The following HSD17B12 variants were observed in gnomAD, a reference collection of about 807,000 sequenced individuals.
HSD17B12 encodes the protein very-long-chain 3-oxoacyl-CoA reductase.
In HSD17B12, 32 loss-of-function variants were observed where a neutral mutation model predicts 39.3. The observed-to-expected ratio is 0.81, with a 90% confidence interval of 0.61 to 1.09. The LOEUF (loss-of-function observed/expected upper bound fraction) is 1.09. HSD17B12 is among the 50% of genes least tolerant of loss of function. The pLI, the probability that HSD17B12 is intolerant of heterozygous loss-of-function variation, is 0.00. For missense variants in HSD17B12, 342 were observed against 382.9 expected (o/e 0.89, Z 0.89); for synonymous variants, 150 against 146.7 (o/e 1.02, Z -0.16).
At chr11:43,558,756 G>C in the HSD17B12 span, among the ~76,000 whole-genome samples, 2 of 152,016 alleles carry the variant, frequency 1.3e-5, no homozygotes, top group South Asian at 4.2e-4. Context: ...CGCTGGGGGT[G>C]CGGGGGCGGA....
At chr11:43,627,972 AG>A in the HSD17B12 span, among the ~76,000 whole-genome samples, 1 of 151,920 alleles carries the variant, frequency 6.6e-6, no homozygotes, top group Non-Finnish European at 1.5e-5. Context: ...TTTAATTGCT[AG>A]GGAAGTTGGA....
chr11:43,626,155 T>C, the HSD17B12 span, among the ~76,000 whole-genome samples: 1 of 151,660 alleles, frequency 6.6e-6, no homozygotes, highest in South Asian at 2.1e-4. Context: ...TATCTGCTTG[T>C]AAGACAATTG....
intron 4 of HSD17B12, among the ~76,000 whole-genome samples, chr11:43,808,660 G>C (rs565010065): frequency 6.6e-6 from 1 of 152,258 alleles, no homozygotes; most frequent in Non-Finnish European, 1.5e-5. Context: ...TTGTAATGAA[G>C]ATCACATAGC....
At chr11:43,630,805 CTT>C in the HSD17B12 span, among the ~76,000 whole-genome samples, 69 of 137,918 alleles carry the variant, frequency 5.0e-4, no homozygotes, top group Non-Finnish European at 6.3e-4. Flanking sequence ...TTTTTTCTTT[CTT>C]TTTTTTTTTT....
intron 9 of HSD17B12, among the ~76,000 whole-genome samples, chr11:43,846,374 G>A (rs181746202): frequency 4.6e-5 from 7 of 152,290 alleles, no homozygotes; most frequent in Admixed American, 3.9e-4. Flanking sequence ...GGATCAACAG[G>A]AGCCCTGTGC....
At chr11:43,598,166 G>T in the HSD17B12 span, among the ~76,000 whole-genome samples, 1 of 152,122 alleles carries the variant, frequency 6.6e-6, no homozygotes, top group Admixed American at 6.5e-5. Context: ...ATGGCCTCCA[G>T]ACACCCAGAG....
rs1418984622 is a variant in HSD17B12 at position 43,817,006 on chromosome 11, A to G, written c.501+615A>G. Among the ~76,000 whole-genome samples the G allele has an allele frequency of 1.4e-3, 31 of 22,944 alleles. No individual in the cohort carries two copies. In the South Asian group the frequency reaches 0.038, roughly 28 times the overall value. The allele number at this position is 22,944 out of a possible 152,430, so 15.1% of individuals were successfully genotyped here. ...TATATCTATATCTATATCTATATCT[A>G]TATCTATATCTATATCTATATCTAT... On this transcript the variant is annotated intron_variant, in intron 6 of 10. Transcript: ENST00000278353.
chr11:43,734,126 CA>C, intron 1 of HSD17B12: 1 of 1,382,848 alleles, frequency 7.2e-7, no homozygotes. Context: ...CCATCACTAC[CA>C]AATCAAGTCA....
At chr11:43,731,090 G>A (rs561696905) in intron 1 of HSD17B12, among the ~76,000 whole-genome samples, 23 of 151,976 alleles carry the variant, frequency 1.5e-4, no homozygotes, top group African/African-American at 2.9e-4. Flanking sequence ...TCTGCCTCCC[G>A]GGTTCAAGCG....
At chr11:43,649,993 C>T in the HSD17B12 span, among the ~76,000 whole-genome samples, 123 of 152,296 alleles carry the variant, frequency 8.1e-4, no homozygotes, top group African/African-American at 2.6e-3. Context: ...GAAAATGGAT[C>T]CTCCAGCCCC....
At chr11:43,590,988 C>T in the HSD17B12 span, among the ~76,000 whole-genome samples, 1,339 of 151,850 alleles carry the variant, frequency 8.8e-3, 20 homozygotes, top group African/African-American at 0.031. Context: ...AATTTAAAAC[C>T]AAGAGTGAAT....
intron 3 of HSD17B12, among the ~76,000 whole-genome samples, chr11:43,754,427 T>C (rs1039916758): frequency 4.0e-5 from 6 of 151,726 alleles, no homozygotes; most frequent in African/African-American, 1.5e-4. Context: ...TAAAAAAAAA[T>C]TAGCCGGGTA....
At chr11:43,754,933 A>G (rs1381349262) in intron 3 of HSD17B12, 1 of 752,704 alleles carries the variant, frequency 1.3e-6, no homozygotes, top group Admixed American at 1.8e-5. Flanking sequence ...CTTCTACTCA[A>G]TCAACCAGAT....
chr11:43,568,528 T>C, the HSD17B12 span, among the ~76,000 whole-genome samples: 3 of 152,222 alleles, frequency 2.0e-5, no homozygotes, highest in African/African-American at 7.2e-5. Context: ...CCACAGTGAC[T>C]AAGAAGAGTT....
chr11:43,577,335 G>T, the HSD17B12 span, among the ~76,000 whole-genome samples: 4 of 152,208 alleles, frequency 2.6e-5, no homozygotes, highest in Non-Finnish European at 5.9e-5. Flanking sequence ...AGCTTTGGGG[G>T]GAAGGAGGGG....
chr11:43,742,124 T>TAC (rs1950371413), intron 1 of HSD17B12, among the ~76,000 whole-genome samples: 1 of 110,920 alleles, frequency 9.0e-6, no homozygotes, highest in Non-Finnish European at 1.9e-5. Flanking sequence ...TATATATATA[T>TAC]ATATATATAT....
At chr11:43,696,881 A>G (rs1031798357) in intron 1 of HSD17B12, among the ~76,000 whole-genome samples, 6 of 152,160 alleles carry the variant, frequency 3.9e-5, no homozygotes, top group African/African-American at 1.4e-4. Flanking sequence ...TGAAACTGGA[A>G]GTCATCATCC....
chr11:43,680,723 G>A (rs1949733796), upstream of HSD17B12: 2 of 1,042,950 alleles, frequency 1.9e-6, no homozygotes, highest in Non-Finnish European at 3.0e-6. Flanking sequence ...TGGTGTCGGA[G>A]CAGCGCCTAT....
chr11:43,828,165 C>T (rs1300956329), intron 6 of HSD17B12, among the ~76,000 whole-genome samples: 3 of 135,794 alleles, frequency 2.2e-5, no homozygotes, highest in East Asian at 2.2e-4. Context: ...TTTTTTGAGA[C>T]GGAGTCTCGC....
Sources: gnomAD v4.1 joint callset for allele counts (sites outside exome capture counted in the v4.1 genomes callset) on GRCh38, gnomAD v4.1.1 for gene constraint, MANE v1.5 for transcripts, NCBI Gene and HGNC (gene_info 2026-07-23, HGNC 2026-07-21) for gene names.